Variants in RIT2 observed in about 807,000 individuals in gnomAD.
RIT2 encodes the protein GTP-binding protein Rit2.
In RIT2, 24 loss-of-function variants were observed where a neutral mutation model predicts 23.7. That is an observed-to-expected ratio of 1.01 (90% CI 0.73 to 1.43). The LOEUF (loss-of-function observed/expected upper bound fraction) is 1.43. Among genes scored for constraint, RIT2 ranks in the 40% most tolerant of loss-of-function variants. The pLI, the probability that RIT2 is intolerant of heterozygous loss-of-function variation, is 0.00. For synonymous variants in RIT2, 107 were observed against 91.1 expected (o/e 1.17, Z -0.99); for missense variants, 236 against 266.9 (o/e 0.88, Z 0.81).
chr18:42,842,420 C>A (rs1906791960), intron 4 of RIT2, among the ~76,000 whole-genome samples: 1 of 151,882 alleles, frequency 6.6e-6, no homozygotes, highest in African/African-American at 2.4e-5. Flanking sequence ...ATTTTATTTC[C>A]CCAAACTATC....
At chr18:42,915,004 TAA>T (rs34252039) in intron 4 of RIT2, among the ~76,000 whole-genome samples, 59 of 150,070 alleles carry the variant, frequency 3.9e-4, no homozygotes, top group Admixed American at 6.7e-4. Flanking sequence ...TGAGTTAAAG[TAA>T]AAAAAAAAAA....
intron 1 of RIT2, among the ~76,000 whole-genome samples, chr18:43,039,693 A>G (rs549469187): frequency 1.3e-5 from 2 of 152,290 alleles, no homozygotes; most frequent in South Asian, 4.1e-4. Flanking sequence ...TTCATGGCAT[A>G]GATCACATGT....
At chr18:42,970,656 T>G (rs1471473367) in intron 3 of RIT2, among the ~76,000 whole-genome samples, 1 of 151,898 alleles carries the variant, frequency 6.6e-6, no homozygotes, top group East Asian at 1.9e-4. Context: ...CAAAAAGAAT[T>G]TTTGATCCTT....
In RIT2 at chr18:42,826,603, C is replaced by T. The variant is rs1050171065; in HGVS notation, c.427-82883G>A. On this transcript the variant is annotated intron_variant, in intron 4 of 4. Coordinates refer to ENST00000326695, the MANE Select transcript of RIT2 (RefSeq NM_002930.4). ...CAAGAATGTATCAAAATCCTACCAT[C>T]CCGTAGGTTGACATTATACAAGAAG... 2.0e-5 allele frequency among the ~76,000 whole-genome samples: 3 copies of T among 151,928 alleles called. No individual in the cohort carries two copies. The South Asian group carries it at 6.2e-4, about 31-fold the overall frequency.
intron 1 of RIT2, among the ~76,000 whole-genome samples, chr18:43,073,965 A>G (rs1003806594): frequency 1.3e-5 from 2 of 152,168 alleles, no homozygotes; most frequent in African/African-American, 4.8e-5. Flanking sequence ...TCAATGACAT[A>G]GTGGGAGGAA....
chr18:42,930,989 CTT>C (rs1218431865), intron 3 of RIT2, among the ~76,000 whole-genome samples: 1 of 152,060 alleles, frequency 6.6e-6, no homozygotes, highest in Non-Finnish European at 1.5e-5. Flanking sequence ...GTTTTGTTCT[CTT>C]TTGCCAGGCA....
At chr18:43,076,190 G>C (rs1598772902) in intron 1 of RIT2, among the ~76,000 whole-genome samples, 1 of 152,118 alleles carries the variant, frequency 6.6e-6, no homozygotes, top group South Asian at 2.1e-4. Context: ...CTTCTAGAAA[G>C]CTTAAAACGT....
intron 2 of RIT2, among the ~76,000 whole-genome samples, chr18:42,986,108 C>T (rs1338656154): frequency 1.3e-5 from 2 of 149,804 alleles, no homozygotes; most frequent in African/African-American, 2.5e-5. Context: ...GGCATGATCT[C>T]GGCTCACTGC....
chr18:42,956,997 T>C (rs1189214194), intron 3 of RIT2, among the ~76,000 whole-genome samples: 1 of 152,142 alleles, frequency 6.6e-6, no homozygotes, highest in Non-Finnish European at 1.5e-5. Flanking sequence ...AAAGACTGTT[T>C]GGTGTCTGGG....
At chr18:43,007,301 A>C (rs1911250438) in intron 2 of RIT2, among the ~76,000 whole-genome samples, 1 of 151,712 alleles carries the variant, frequency 6.6e-6, no homozygotes, top group Non-Finnish European at 1.5e-5. Context: ...AAGATACACT[A>C]CAACTATTTT....
At chr18:42,965,852 T>C (rs1910210748) in intron 3 of RIT2, among the ~76,000 whole-genome samples, 1 of 150,568 alleles carries the variant, frequency 6.6e-6, no homozygotes, top group South Asian at 2.1e-4. Context: ...AAGTGATACA[T>C]GAATAGCAAG....
At chr18:43,050,796 A>C (rs572361867) in intron 1 of RIT2, among the ~76,000 whole-genome samples, 1 of 152,220 alleles carries the variant, frequency 6.6e-6, no homozygotes. Context: ...TGAGGAGCTC[A>C]GGACAGCTGA....
chr18:42,795,369 C>G (rs1042014947), intron 4 of RIT2, among the ~76,000 whole-genome samples: 1 of 152,222 alleles, frequency 6.6e-6, no homozygotes, highest in African/African-American at 2.4e-5. Flanking sequence ...AGGGACTTAG[C>G]ACCCGGGCCA....
At chr18:42,890,877 C>T (rs543338561) in intron 4 of RIT2, among the ~76,000 whole-genome samples, 16 of 152,116 alleles carry the variant, frequency 1.1e-4, no homozygotes, top group African/African-American at 1.9e-4. Flanking sequence ...GACAGTTGAT[C>T]GGCATATAAT....
intron 4 of RIT2, among the ~76,000 whole-genome samples, chr18:42,832,828 A>C (rs2144011387): frequency 6.6e-6 from 1 of 152,008 alleles, no homozygotes; most frequent in East Asian, 1.9e-4. Flanking sequence ...TGAGGTGGGC[A>C]GATCATTTGA....
intron 1 of RIT2, among the ~76,000 whole-genome samples, chr18:43,098,850 G>T (rs910631805): frequency 2.0e-5 from 3 of 151,944 alleles, no homozygotes; most frequent in Non-Finnish European, 4.4e-5. Flanking sequence ...CTGGTAGCAA[G>T]ATCTCAAATC....
chr18:42,879,184 G>A lies in RIT2; in HGVS notation c.426+44388C>T, dbSNP rs146580712. Among the ~76,000 whole-genome samples, 416 of 152,126 alleles carry A rather than the reference G, an allele frequency of 2.7e-3. 2 individuals are homozygous for A. Among genetic ancestry groups the A allele is most frequent in the African/African-American group, 9.1e-3 (378 of 41,532 alleles). On this transcript the variant is annotated intron_variant, in intron 4 of 4. Transcript: ENST00000326695. ...AACCTATGAACAGCTTTCATCCTGG[G>A]ACACTTTCACCATCTTCCTAGAAAT...
At chr18:43,107,491 T>C (rs1913851028) in intron 1 of RIT2, among the ~76,000 whole-genome samples, 1 of 152,178 alleles carries the variant, frequency 6.6e-6, no homozygotes. Flanking sequence ...AAAATGTATA[T>C]GTTTAAAGAA....
At chr18:42,968,890 A>T (rs1910297786) in intron 3 of RIT2, among the ~76,000 whole-genome samples, 1 of 152,204 alleles carries the variant, frequency 6.6e-6, no homozygotes, top group Admixed American at 6.5e-5. Flanking sequence ...GGAGAAGTAC[A>T]TTGGAGGAGG....
Sources: gnomAD v4.1 joint callset for allele counts (sites outside exome capture counted in the v4.1 genomes callset) on GRCh38, gnomAD v4.1.1 for gene constraint, MANE v1.5 for transcripts, NCBI Gene and HGNC (gene_info 2026-07-23, HGNC 2026-07-21) for gene names.